DPY19L1: variants seen among roughly 807,000 people sequenced by gnomAD.
DPY19L1 encodes the protein protein C-mannosyl-transferase DPY19L1.
In DPY19L1, 35 loss-of-function variants were observed where a neutral mutation model predicts 96.9. The ratio of observed to expected loss-of-function variants is 0.36; its 90% confidence interval spans 0.28 to 0.48. The LOEUF is 0.48. Ranked by LOEUF, DPY19L1 falls within the 20% of genes least tolerant of loss-of-function variation. DPY19L1 has a pLI of 0.99. For missense variants in DPY19L1, 521 were observed against 777.9 expected, an observed-to-expected ratio of 0.67 and a Z score of 3.93; for synonymous variants, 205 against 252.6, an observed-to-expected ratio of 0.81 and a Z score of 1.79.
At chr7:34,950,477 A>G (rs1784246843) in intron 13 of DPY19L1, among the ~76,000 whole-genome samples, 1 of 152,192 alleles carries the variant, frequency 6.6e-6, no homozygotes, top group Non-Finnish European at 1.5e-5. Flanking sequence ...AGGAAGGTGG[A>G]TTTTCACTTT....
chr7:35,013,758 C>T (rs899219685), intron 3 of DPY19L1, 53 bp from the exon 4 acceptor site: 21 of 1,412,408 alleles, frequency 1.5e-5, no homozygotes, highest in East Asian at 1.4e-4. Context: ...AATTATGATG[C>T]CACTTCTAAG....
intron 6 of DPY19L1, among the ~76,000 whole-genome samples, chr7:35,009,028 T>G (rs1785637192): frequency 6.6e-6 from 1 of 152,242 alleles, no homozygotes; most frequent in Non-Finnish European, 1.5e-5. Flanking sequence ...TGCATTTTTA[T>G]TTTAGTCTCC....
chr7:34,939,536 T>A (rs542127810), intron 19 of DPY19L1, among the ~76,000 whole-genome samples, 161 bp from the exon 20 acceptor site: 170 of 152,362 alleles, frequency 1.1e-3, no homozygotes, highest in African/African-American at 3.8e-3. Context: ...AGATGGCTGA[T>A]AAAGTAGCAG....
At chr7:34,933,005 TAATC>T (rs1382158489) in intron 21 of DPY19L1, among the ~76,000 whole-genome samples, 4 of 152,296 alleles carry the variant, frequency 2.6e-5, no homozygotes, top group Admixed American at 6.5e-5. Context: ...TAATTTATAA[TAATC>T]AGTCATTATA....
Position 34,979,383 on chromosome 7 carries a change from TAGAAAC to T in DPY19L1, c.823-5784_823-5779del, listed in dbSNP as rs563023668. Among the ~76,000 whole-genome samples the T allele has an allele frequency of 7.2e-5, 11 of 152,156 alleles. No individual in the cohort carries two copies. In the East Asian group the frequency reaches 2.1e-3, roughly 29 times the overall value. On this transcript the variant is annotated intron_variant, in intron 7 of 21. Transcript: ENST00000638088. ...AACCAAGATATATAGGCAATATAAATAGAAACAGAAACAAATGATTCAAATTGCACT... is the reference window on the plus strand; with the variant it reads ...AACCAAGATATATAGGCAATATAAATAGAAACAAATGATTCAAATTGCACT...
chr7:34,994,404 A>G (rs776521793), intron 6 of DPY19L1, among the ~76,000 whole-genome samples: 7 of 152,200 alleles, frequency 4.6e-5, no homozygotes, highest in Non-Finnish European at 1.0e-4. Context: ...TTAATGTAAA[A>G]TTTCCTTTTA....
chr7:34,985,329 A>G (rs574615728), intron 7 of DPY19L1, among the ~76,000 whole-genome samples: 1 of 152,270 alleles, frequency 6.6e-6, no homozygotes, highest in Non-Finnish European at 1.5e-5. Context: ...GCCAAATAGG[A>G]TTGCGTCAAA....
rs565564908 is a variant in DPY19L1, at chr7:34,930,396, C to T, written c.*1177G>A. The T allele has an allele frequency of 2.0e-5, 3 of 151,982 alleles. No individual in the cohort carries two copies. Among genetic ancestry groups the T allele is most frequent in the African/African-American group, 7.2e-5 (3 of 41,428 alleles). The allele number at this position is 151,982 out of a possible 1,614,324, so 9.4% of individuals were successfully genotyped here. A position where few individuals can be genotyped will look rare whatever the true frequency, so the allele number is the denominator to read the frequency against. ...GGAAGAAAAAAACTAAAGAGGAGGA[C>T]GAAATATACTTATTCCTTATACTGA... On this transcript the variant is annotated 3_prime_UTR_variant, in exon 22 of 22. Coordinates refer to ENST00000638088, the MANE Select transcript of DPY19L1 (RefSeq NM_001366673.1).
intron 2 of DPY19L1, among the ~76,000 whole-genome samples, chr7:35,018,311 ATC>A (rs1040134157): frequency 1.3e-5 from 2 of 152,194 alleles, no homozygotes; most frequent in East Asian, 1.9e-4. Context: ...AAATAAATTA[ATC>A]TCTCTCTCAC....
intron 1 of DPY19L1, among the ~76,000 whole-genome samples, chr7:35,033,966 T>A (rs1786325671): frequency 6.6e-6 from 1 of 151,706 alleles, no homozygotes; most frequent in African/African-American, 2.4e-5. Flanking sequence ...GAAAGCCCCC[T>A]CAACAAAAAA....
In DPY19L1 at chr7:34,947,644, C is replaced by T; in HGVS notation, c.1480G>A (p.Ala494Thr). Residue 494 changes from alanine (A) to threonine (T), a missense_variant, in exon 15 of 22, where the codon GCT becomes ACT. Transcript: ENST00000638088. ...LLPVVLVVFV[A>T]IVRKIISDMW... ...GATAGACATACCTTTCTAACAATAG[C>T]AACAAACACTACAAGAACAACTGGA... The T allele has an allele frequency of 1.2e-6, 2 of 1,611,662 alleles. No individual in the cohort carries two copies. Among genetic ancestry groups the T allele is most frequent in the Non-Finnish European group, 1.7e-6 (2 of 1,178,880 alleles).
chr7:34,960,963 A>C (rs1784488804), intron 10 of DPY19L1, among the ~76,000 whole-genome samples: 1 of 152,170 alleles, frequency 6.6e-6, no homozygotes, highest in Non-Finnish European at 1.5e-5. Flanking sequence ...ATACAAATTT[A>C]ACTACGTAAA....
intron 16 of DPY19L1, among the ~76,000 whole-genome samples, chr7:34,945,331 A>G (rs917570587): frequency 2.0e-5 from 3 of 152,048 alleles, no homozygotes; most frequent in African/African-American, 7.2e-5. Context: ...TTCCCTGCTC[A>G]TTTCCAAAAA....
intron 6 of DPY19L1, among the ~76,000 whole-genome samples, chr7:34,991,009 G>C (rs117186589): frequency 3.7e-3 from 556 of 152,308 alleles, no homozygotes; most frequent in Non-Finnish European, 5.5e-3. Flanking sequence ...GGAGTATCCA[G>C]AAGGAGACAG....
rs2128778432 is a variant in DPY19L1 at position 34,929,754 on chromosome 7, TG to T, written c.*1818del. ...GGACTGTTGTGCATCATCGCTCAAA[TG>T]TTGCTTTTAATCCACAAATCAAGGG... is the stretch of plus-strand genomic sequence containing the variant. On this transcript the variant is annotated 3_prime_UTR_variant, in exon 22 of 22. Coordinates refer to ENST00000638088, the MANE Select transcript of DPY19L1 (RefSeq NM_001366673.1). The T allele has an allele frequency of 6.6e-6, 1 of 152,290 alleles. No individual in the cohort carries two copies. The highest frequency in any genetic ancestry group is 1.9e-4 in the East Asian group (1 of 5,172). The allele number at this position is 152,290 out of a possible 1,614,324, so 9.4% of individuals were successfully genotyped here.
rs1461292931 is a variant in DPY19L1 at position 34,929,475 on chromosome 7, T to C, written c.*2098A>G. 6.6e-6 allele frequency: 1 copy of C among 152,230 alleles called. No homozygotes were observed. The highest frequency in any genetic ancestry group is 1.5e-5 in the Non-Finnish European group (1 of 68,038). 9.4% of individuals were successfully genotyped at this position (152,230 alleles called of 1,614,324 possible). A position where few individuals can be genotyped will look rare whatever the true frequency, so the allele number is the denominator to read the frequency against. On this transcript the variant is annotated 3_prime_UTR_variant, in exon 22 of 22. Transcript: ENST00000638088. ...TTCCCAGCAAATGAAGCAGTTATAA[T>C]AGTATTTTTAATGCTTTTTTCCTAT... is the stretch of plus-strand genomic sequence containing the variant.
At chr7:35,006,863 T>C (rs1290623256) in intron 6 of DPY19L1, among the ~76,000 whole-genome samples, 2 of 152,186 alleles carry the variant, frequency 1.3e-5, no homozygotes, top group African/African-American at 4.8e-5. Context: ...TCAAAACAAA[T>C]ATACTTCTGA....
At position 34,938,693 on chromosome 7, in the gene DPY19L1, T is replaced by G. The variant is rs189874963; in HGVS notation, c.1965-574A>C. ...ATGCTAATAAGATTCACCTAATCAC[T>G]TAGAAAATGAATAGCTTCACCTGCC... is the stretch of plus-strand genomic sequence containing the variant. On this transcript the variant is annotated intron_variant, in intron 20 of 21. Transcript: ENST00000638088. Among the ~76,000 whole-genome samples, 48 of 152,226 alleles carry G rather than the reference T, an allele frequency of 3.2e-4. No homozygotes were observed. The East Asian group carries it at 8.3e-3, about 26-fold the overall frequency.
At chr7:35,018,843 T>C (rs934745363) in intron 1 of DPY19L1, among the ~76,000 whole-genome samples, 4 of 151,964 alleles carry the variant, frequency 2.6e-5, no homozygotes, top group African/African-American at 9.7e-5. Flanking sequence ...TATCCGCTAA[T>C]AGACAGAAAC....
Sources: gnomAD v4.1 joint callset for allele counts (sites outside exome capture counted in the v4.1 genomes callset) on GRCh38, gnomAD v4.1.1 for gene constraint, MANE v1.5 for transcripts, NCBI Gene and HGNC (gene_info 2026-07-23, HGNC 2026-07-21) for gene names.